The following ZBTB7C variants were observed in gnomAD, a reference collection of about 807,000 sequenced individuals.
The protein encoded by ZBTB7C is zinc finger and BTB domain containing 7C.
A neutral mutation model predicts 25.7 loss-of-function variants in ZBTB7C; 8 were observed. The observed-to-expected ratio is 0.31, with a 90% CI of 0.18 to 0.56. ZBTB7C has a LOEUF of 0.56. ZBTB7C is among the 20% of genes least tolerant of loss of function. The pLI, the probability that ZBTB7C is intolerant of heterozygous loss-of-function variation, is 0.91. For synonymous variants in ZBTB7C, 394 were observed against 369.0 expected, an observed-to-expected ratio of 1.07 and a Z score of -0.78; for missense variants, 824 against 855.2, an observed-to-expected ratio of 0.96 and a Z score of 0.46.
At chr18:48,310,734 C>G (rs1056695731) in intron 2 of ZBTB7C, among the ~76,000 whole-genome samples, 5 of 152,202 alleles carry the variant, frequency 3.3e-5, no homozygotes, top group African/African-American at 1.2e-4. Flanking sequence ...CCCCTGGCCT[C>G]CCCTAGCTCA....
At chr18:48,184,785 C>T (rs924078133) in intron 3 of ZBTB7C, among the ~76,000 whole-genome samples, 1 of 151,576 alleles carries the variant, frequency 6.6e-6, no homozygotes, top group Non-Finnish European at 1.5e-5. Context: ...TCACAGGGCT[C>T]TGGTGGCCCT....
chr18:48,353,566 A>G (rs778968793), intron 1 of ZBTB7C, among the ~76,000 whole-genome samples: 2 of 152,134 alleles, frequency 1.3e-5, no homozygotes, highest in Non-Finnish European at 2.9e-5. Context: ...GGGCTAAGGA[A>G]GAGTCCCTGT....
chr18:48,083,430 C>G (rs1037272690), intron 3 of ZBTB7C, among the ~76,000 whole-genome samples: 1 of 152,090 alleles, frequency 6.6e-6, no homozygotes, highest in Non-Finnish European at 1.5e-5. Context: ...CGTCCCCTGC[C>G]TGTCCTCACC....
chr18:48,393,764 C>T (rs899118079), intron 1 of ZBTB7C, among the ~76,000 whole-genome samples: 3 of 152,102 alleles, frequency 2.0e-5, no homozygotes, highest in African/African-American at 7.2e-5. Context: ...AACCTGAAAT[C>T]ATCAACCTCA....
chr18:48,360,146 C>T (rs17824737), intron 1 of ZBTB7C, among the ~76,000 whole-genome samples: 16,970 of 152,310 alleles, frequency 0.11, 1,091 homozygotes, highest in Non-Finnish European at 0.14. Flanking sequence ...AGAATAACTA[C>T]TTTGCATTTG....
intron 3 of ZBTB7C, among the ~76,000 whole-genome samples, chr18:48,151,478 A>G (rs1222291314): frequency 7.1e-6 from 1 of 140,356 alleles, no homozygotes; most frequent in Non-Finnish European, 1.6e-5. Flanking sequence ...GCACTGTTCA[A>G]AAGAGTCCGT....
chr18:48,312,897 G>A (rs758782531), intron 2 of ZBTB7C, among the ~76,000 whole-genome samples: 1 of 152,208 alleles, frequency 6.6e-6, no homozygotes, highest in Non-Finnish European at 1.5e-5. Context: ...ATGCTACGGG[G>A]CAGGGATGTC....
intron 2 of ZBTB7C, among the ~76,000 whole-genome samples, chr18:48,327,981 G>A (rs1011762982): frequency 5.9e-5 from 9 of 151,986 alleles, no homozygotes; most frequent in Non-Finnish European, 8.8e-5. Context: ...GGCCGAGGCG[G>A]GCGGATCACG....
chr18:48,369,977 A>T (rs565498673), intron 1 of ZBTB7C, among the ~76,000 whole-genome samples: 7 of 152,190 alleles, frequency 4.6e-5, no homozygotes, highest in Non-Finnish European at 2.9e-5. Flanking sequence ...GTATACCAAG[A>T]CAGATCATAT....
At chr18:48,165,002 C>T in intron 3 of ZBTB7C, 1 of 1,182,298 alleles carries the variant, frequency 8.5e-7, no homozygotes, top group Non-Finnish European at 1.1e-6. Context: ...TATATTACTT[C>T]TTAGGAAATC....
At chr18:48,302,129 T>C (rs1261232854) in intron 2 of ZBTB7C, among the ~76,000 whole-genome samples, 1 of 152,082 alleles carries the variant, frequency 6.6e-6, no homozygotes, top group Non-Finnish European at 1.5e-5. Context: ...TCTCCAGGAG[T>C]TGACGCTGGC....
chr18:48,391,720 C>G (rs903703165), intron 1 of ZBTB7C, among the ~76,000 whole-genome samples: 4 of 152,292 alleles, frequency 2.6e-5, no homozygotes, highest in African/African-American at 7.2e-5. Context: ...GTTGGGTCCA[C>G]CCCTAGAGTT....
chr18:48,081,154 C>T (rs2144485208), intron 3 of ZBTB7C, among the ~76,000 whole-genome samples: 1 of 152,304 alleles, frequency 6.6e-6, no homozygotes, highest in Non-Finnish European at 1.5e-5. Context: ...AGTGGAAACC[C>T]TACCTGTGAT....
At position 48,027,355 on chromosome 18, in the gene ZBTB7C, T is replaced by C. The variant is rs2035557458; in HGVS notation, c.*1905A>G. 1 of 148,790 alleles carries C rather than the reference T, an allele frequency of 6.7e-6. No individual in the cohort carries two copies. The highest frequency in any genetic ancestry group is 2.5e-5 in the African/African-American group (1 of 40,300). The allele number at this position is 148,790 out of a possible 1,614,324, so 9.2% of individuals were successfully genotyped here. The stretch of plus-strand genomic sequence containing the variant: ...ACACCACTGGATTCCAATTTATTCA[T>C]GTTTCCTTTTTTTTTTTTTTTCCTC... On this transcript the variant is annotated 3_prime_UTR_variant, in exon 5 of 5. Coordinates refer to ENST00000590800, the MANE Select transcript of ZBTB7C (RefSeq NM_001318841.2).
At chr18:48,139,579 C>T (rs995883166) in intron 3 of ZBTB7C, among the ~76,000 whole-genome samples, 5 of 152,130 alleles carry the variant, frequency 3.3e-5, no homozygotes, top group African/African-American at 4.8e-5. Flanking sequence ...TCCAGCCCAC[C>T]GGCTGGGTCC....
intron 2 of ZBTB7C, among the ~76,000 whole-genome samples, chr18:48,262,350 G>GTA (rs901958462): frequency 6.6e-6 from 1 of 152,142 alleles, no homozygotes; most frequent in African/African-American, 2.4e-5. Flanking sequence ...AGCAACAGGG[G>GTA]TATCTTGACC....
intron 3 of ZBTB7C, among the ~76,000 whole-genome samples, chr18:48,171,399 G>A (rs1005808563): frequency 6.6e-6 from 1 of 152,136 alleles, no homozygotes; most frequent in East Asian, 1.9e-4. Context: ...TCTCCTTCCA[G>A]CCCTCACTTC....
intron 3 of ZBTB7C, among the ~76,000 whole-genome samples, chr18:48,051,932 G>A (rs192910518): frequency 6.6e-6 from 1 of 152,058 alleles, no homozygotes; most frequent in African/African-American, 2.4e-5. Flanking sequence ...AGGGGGCAGT[G>A]GGGGGAGACT....
intron 2 of ZBTB7C, among the ~76,000 whole-genome samples, chr18:48,334,407 A>C (rs778424044): frequency 1.3e-5 from 2 of 152,316 alleles, no homozygotes; most frequent in Non-Finnish European, 2.9e-5. Context: ...ATCTGCCATG[A>C]GATGCCAAGA....
Sources: allele counts gnomAD v4.1 joint callset (sites outside exome capture counted in the v4.1 genomes callset), GRCh38; gene constraint gnomAD v4.1.1; transcripts MANE v1.5; gene names NCBI Gene and HGNC (gene_info 2026-07-23, HGNC 2026-07-21).